Variants in UXS1 observed in about 807,000 individuals in gnomAD.
The protein encoded by UXS1 is UDP-glucuronic acid decarboxylase 1.
Under a neutral mutation model 62.6 loss-of-function variants are expected in UXS1, and 33 were observed. The ratio of observed to expected loss-of-function variants is 0.53; its 90% CI spans 0.40 to 0.70. The LOEUF (loss-of-function observed/expected upper bound fraction) is 0.70. UXS1 is among the 30% of genes least tolerant of loss of function. The pLI is 0.00. For synonymous variants in UXS1, 213 were observed against 206.8 expected (o/e 1.03, Z -0.26); for missense variants, 434 against 556.3 (o/e 0.78, Z 2.21).
intron 10 of UXS1, among the ~76,000 whole-genome samples, chr2:106,109,290 C>T (rs781174664): frequency 6.6e-6 from 1 of 152,180 alleles, no homozygotes; most frequent in South Asian, 2.1e-4. Context: ...AATCCTATGG[C>T]TTTCCGCCAC....
chr2:106,188,635 C>T (rs1456633883), intron 1 of UXS1, among the ~76,000 whole-genome samples: 2 of 152,238 alleles, frequency 1.3e-5, no homozygotes, highest in Non-Finnish European at 2.9e-5. Context: ...GCCTCCCCTT[C>T]CTGCAGGGAC....
intron 7 of UXS1, among the ~76,000 whole-genome samples, chr2:106,127,590 C>A (rs1169372991): frequency 6.6e-6 from 1 of 152,268 alleles, no homozygotes; most frequent in East Asian, 1.9e-4. Context: ...GAAAAACTTT[C>A]ATCAGAGAAA....
At chr2:106,095,073 G>C (rs1308167688) in intron 14 of UXS1, among the ~76,000 whole-genome samples, 3 of 152,204 alleles carry the variant, frequency 2.0e-5, no homozygotes, top group Non-Finnish European at 4.4e-5. Context: ...AGAGAAACCA[G>C]TGGTAGATGG....
At chr2:106,139,242 G>A (rs1404677833) in intron 6 of UXS1, among the ~76,000 whole-genome samples, 1 of 152,118 alleles carries the variant, frequency 6.6e-6, no homozygotes, top group Admixed American at 6.5e-5. Context: ...ACCCTGCCAC[G>A]ACCTTTCACA....
chr2:106,155,920 CT>C (rs1333269950), intron 5 of UXS1, among the ~76,000 whole-genome samples: 1 of 151,980 alleles, frequency 6.6e-6, no homozygotes, highest in African/African-American at 2.4e-5. Context: ...GATCACAGGC[CT>C]AAATTTAAGA....
At chr2:106,094,701 C>T (rs1004897745) in intron 14 of UXS1, among the ~76,000 whole-genome samples, 2 of 152,160 alleles carry the variant, frequency 1.3e-5, no homozygotes, top group Non-Finnish European at 2.9e-5. Flanking sequence ...CCCACGGCAG[C>T]CCACACCACA....
intron 6 of UXS1, among the ~76,000 whole-genome samples, chr2:106,136,769 G>A (rs1259386146): frequency 1.0e-4 from 6 of 57,356 alleles, no homozygotes; most frequent in Admixed American, 4.3e-4. Flanking sequence ...TGGTGGGGTC[G>A]GGGGAGGGGG....
At position 106,129,654 on chromosome 2, in the gene UXS1, A is replaced by C; in HGVS notation, c.577+20T>G. 1 of 1,580,272 alleles carries C rather than the reference A, an allele frequency of 6.3e-7. No homozygotes were observed. Among genetic ancestry groups the C allele is most frequent in the Non-Finnish European group, 8.7e-7 (1 of 1,155,260 alleles). ...AATATTCCCAGCAACAGCCAAAAAA[A>C]CAAGAAAATGACAACTTACCCAACA... On this transcript the variant is annotated intron_variant, in intron 7 of 14. Coordinates refer to ENST00000283148, the MANE Select transcript of UXS1 (RefSeq NM_001253875.2).
rs572644549 is a variant in UXS1, at chr2:106,107,460, G to T, written c.880-2623C>A. On this transcript the variant is annotated intron_variant, in intron 10 of 14. Transcript: ENST00000283148. ...GCTTTCCATTCCACCGAAACATGCTGACCCCAAGCCCTGGAGGAACACAAT... is the reference window on the plus strand; with the variant it reads ...GCTTTCCATTCCACCGAAACATGCTTACCCCAAGCCCTGGAGGAACACAAT... 2.6e-5 allele frequency among the ~76,000 whole-genome samples: 4 copies of T among 152,314 alleles called. No homozygotes were observed. In the East Asian group the frequency reaches 7.7e-4, roughly 29 times the overall value.
chr2:106,106,376 A>AG (rs1234902416), intron 10 of UXS1, among the ~76,000 whole-genome samples: 1 of 151,846 alleles, frequency 6.6e-6, no homozygotes, highest in Non-Finnish European at 1.5e-5. Context: ...AAAAAAAAAA[A>AG]AAAAAGCACA....
chr2:106,186,524 A>T (rs1034483834), intron 1 of UXS1, among the ~76,000 whole-genome samples: 2 of 152,114 alleles, frequency 1.3e-5, no homozygotes, highest in Non-Finnish European at 2.9e-5. Context: ...ACACATATAT[A>T]GGTAAATGTT....
chr2:106,095,298 C>T (rs1676985008), intron 14 of UXS1, among the ~76,000 whole-genome samples: 2 of 152,188 alleles, frequency 1.3e-5, no homozygotes, highest in East Asian at 3.8e-4. Context: ...ACCTAGGCTG[C>T]TATAACCTGT....
chr2:106,182,937 T>C (rs1471065511), intron 1 of UXS1, among the ~76,000 whole-genome samples: 3 of 152,122 alleles, frequency 2.0e-5, no homozygotes, highest in African/African-American at 7.2e-5. Context: ...TTCTGTTTTT[T>C]AAATAATTAG....
intron 7 of UXS1, among the ~76,000 whole-genome samples, chr2:106,128,496 G>A (rs938679192): frequency 7.2e-5 from 11 of 152,090 alleles, no homozygotes; most frequent in African/African-American, 2.7e-4. Context: ...CCTCCCCAAC[G>A]TGGATGTATC....
chr2:106,112,814 C>T lies in UXS1; in HGVS notation c.760-49G>A, dbSNP rs41280613. On this transcript the variant is annotated intron_variant, in intron 9 of 14. Transcript: ENST00000283148. ...CAGGTGTGCTCCCCTGTGTGGTCCA[C>T]GCATCCACTTTGCATTTCCAGTGCC... The T allele has an allele frequency of 8.4e-3, 13,305 of 1,582,340 alleles. 60 individuals carry two copies. Among genetic ancestry groups the T allele is most frequent in the Non-Finnish European group, 0.01 (11,658 of 1,161,578 alleles).
At chr2:106,177,956 C>T (rs1434337025) in intron 1 of UXS1, among the ~76,000 whole-genome samples, 1 of 152,234 alleles carries the variant, frequency 6.6e-6, no homozygotes, top group Non-Finnish European at 1.5e-5. Context: ...TGTGTTCTCA[C>T]TTGCTCAGTT....
intron 8 of UXS1, among the ~76,000 whole-genome samples, chr2:106,123,639 T>C (rs1368134691): frequency 6.6e-6 from 1 of 152,190 alleles, no homozygotes; most frequent in Non-Finnish European, 1.5e-5. Context: ...CTTCTAGCCC[T>C]CATTTTACAC....
intron 11 of UXS1, chr2:106,102,958 T>C (rs947189673): frequency 1.3e-5 from 2 of 152,240 alleles, no homozygotes; most frequent in Non-Finnish European, 2.9e-5. Flanking sequence ...TGAAGTGTTA[T>C]GAAATGGGTT....
chr2:106,181,131 G>A (rs1458417410), intron 1 of UXS1, among the ~76,000 whole-genome samples: 2 of 152,204 alleles, frequency 1.3e-5, no homozygotes, highest in Non-Finnish European at 2.9e-5. Flanking sequence ...CACAGGGTGG[G>A]CTGCGGAGAG....
Sources: allele counts gnomAD v4.1 joint callset (sites outside exome capture counted in the v4.1 genomes callset), GRCh38; gene constraint gnomAD v4.1.1; transcripts MANE v1.5; gene names NCBI Gene and HGNC (gene_info 2026-07-23, HGNC 2026-07-21).